Variants in KCNQ5 observed in about 807,000 individuals in gnomAD.
The protein encoded by KCNQ5 is potassium voltage-gated channel subfamily Q member 5.
Under a neutral mutation model 98.2 loss-of-function variants are expected in KCNQ5, and 30 were observed. That is an observed-to-expected ratio of 0.31 (90% CI 0.23 to 0.41). KCNQ5 has a LOEUF of 0.41. KCNQ5 is among the 10% of genes least tolerant of loss of function. KCNQ5 has a pLI of 1.00. For synonymous variants in KCNQ5, 458 were observed against 449.4 expected (o/e 1.02, Z -0.24); for missense variants, 835 against 1,182.5 (o/e 0.71, Z 4.31).
chr6:72,666,151 A>G (rs933803929), intron 1 of KCNQ5, among the ~76,000 whole-genome samples: 4 of 152,210 alleles, frequency 2.6e-5, no homozygotes, highest in African/African-American at 4.8e-5. Flanking sequence ...AAAAGATTTG[A>G]GGAGGTTATT....
intron 1 of KCNQ5, among the ~76,000 whole-genome samples, chr6:72,828,086 G>A (rs544207329): frequency 2.5e-4 from 38 of 152,114 alleles, no homozygotes; most frequent in Admixed American, 1.7e-3. Context: ...CCATTCTTCT[G>A]TGTGTCTGTT....
At chr6:72,645,670 C>A (rs1028103898) in intron 1 of KCNQ5, among the ~76,000 whole-genome samples, 1 of 151,990 alleles carries the variant, frequency 6.6e-6, no homozygotes, top group Non-Finnish European at 1.5e-5. Context: ...ACTGGCTTTG[C>A]GCTGGGCCCA....
At chr6:72,644,026 A>C (rs1169569689) in intron 1 of KCNQ5, among the ~76,000 whole-genome samples, 1 of 152,150 alleles carries the variant, frequency 6.6e-6, no homozygotes, top group Admixed American at 6.6e-5. Flanking sequence ...TGAAAAAAAA[A>C]CACACAAGGT....
At chr6:72,655,352 C>T (rs1766135212) in intron 1 of KCNQ5, among the ~76,000 whole-genome samples, 1 of 151,970 alleles carries the variant, frequency 6.6e-6, no homozygotes, top group South Asian at 2.1e-4. Flanking sequence ...ACCACAAGCT[C>T]ACAGTCTTCA....
At chr6:73,078,739 A>T (rs1773639345) in intron 5 of KCNQ5, among the ~76,000 whole-genome samples, 1 of 152,236 alleles carries the variant, frequency 6.6e-6, no homozygotes, top group Non-Finnish European at 1.5e-5. Flanking sequence ...GTTATCAACA[A>T]CTTACAGAGT....
chr6:72,763,722 G>A (rs1189800389), intron 1 of KCNQ5, among the ~76,000 whole-genome samples: 1 of 151,952 alleles, frequency 6.6e-6, no homozygotes, highest in Non-Finnish European at 1.5e-5. Context: ...TAAGGGTTTG[G>A]CAAGTAAGGA....
chr6:72,714,132 T>C (rs999653232), intron 1 of KCNQ5, among the ~76,000 whole-genome samples: 1 of 152,250 alleles, frequency 6.6e-6, no homozygotes, highest in Admixed American at 6.5e-5. Flanking sequence ...GTGGAGCAGA[T>C]TCTGAGCAAC....
chr6:72,941,239 T>C (rs901621111), intron 1 of KCNQ5, among the ~76,000 whole-genome samples: 1 of 152,168 alleles, frequency 6.6e-6, no homozygotes, highest in Non-Finnish European at 1.5e-5. Flanking sequence ...ATGCATAGGA[T>C]GGGTGTTGCC....
At chr6:72,978,170 T>C (rs562627952) in intron 1 of KCNQ5, among the ~76,000 whole-genome samples, 2 of 152,334 alleles carry the variant, frequency 1.3e-5, no homozygotes, top group African/African-American at 4.8e-5. Context: ...GTTGCACACA[T>C]TGAATATATA....
At chr6:72,835,008 AGTCG>A (rs1776439197) in intron 1 of KCNQ5, among the ~76,000 whole-genome samples, 1 of 152,176 alleles carries the variant, frequency 6.6e-6, no homozygotes, top group East Asian at 1.9e-4. Flanking sequence ...TGTTTTACTT[AGTCG>A]ACCTCCATTT....
intron 1 of KCNQ5, among the ~76,000 whole-genome samples, chr6:72,774,539 G>A (rs1029977362): frequency 6.6e-6 from 1 of 151,702 alleles, no homozygotes; most frequent in Non-Finnish European, 1.5e-5. Context: ...TTATGAAAAG[G>A]CAATCCACAC....
chr6:72,845,383 A>T (rs1582399937), intron 1 of KCNQ5, among the ~76,000 whole-genome samples: 1 of 152,214 alleles, frequency 6.6e-6, no homozygotes, highest in Non-Finnish European at 1.5e-5. Flanking sequence ...TCTTTTTAGA[A>T]CACCATCTCA....
intron 10 of KCNQ5, chr6:73,157,805 T>C: frequency 1.3e-6 from 1 of 779,382 alleles, no homozygotes; most frequent in Non-Finnish European, 2.4e-6. Context: ...ATTAGCTTGC[T>C]CTTGGCCATC....
chr6:72,763,488 T>C (rs546966769), intron 1 of KCNQ5, among the ~76,000 whole-genome samples: 41 of 152,246 alleles, frequency 2.7e-4, no homozygotes, highest in African/African-American at 8.4e-4. Flanking sequence ...CATAAGTGTA[T>C]AAAATGTCAA....
chr6:73,147,552 G>A (rs1032641867), intron 10 of KCNQ5, among the ~76,000 whole-genome samples: 5 of 152,068 alleles, frequency 3.3e-5, no homozygotes, highest in Non-Finnish European at 7.4e-5. Flanking sequence ...CTTTATTAAA[G>A]ATAAAGGCAG....
intron 1 of KCNQ5, among the ~76,000 whole-genome samples, chr6:72,823,792 G>A (rs969651146): frequency 3.9e-5 from 6 of 152,086 alleles, no homozygotes; most frequent in Non-Finnish European, 7.4e-5. Flanking sequence ...AAAAAATTCC[G>A]AATTATGCTT....
intron 1 of KCNQ5, among the ~76,000 whole-genome samples, chr6:72,904,316 G>GT (rs1779617893): frequency 6.6e-6 from 1 of 152,142 alleles, no homozygotes; most frequent in South Asian, 2.1e-4. Context: ...CTGCAGTTCT[G>GT]TATCTTTTAA....
chr6:72,764,580 C>T (rs1025066885), intron 1 of KCNQ5, among the ~76,000 whole-genome samples: 2 of 151,904 alleles, frequency 1.3e-5, no homozygotes, highest in South Asian at 2.1e-4. Context: ...GGACATCCAT[C>T]CCCTCAAGCA....
chr6:73,129,688 A>T, intron 9 of KCNQ5: 1 of 909,338 alleles, frequency 1.1e-6, no homozygotes, highest in Non-Finnish European at 1.7e-6. Flanking sequence ...CTTCTATATT[A>T]AAAACAATAA....
Sources: allele counts gnomAD v4.1 joint callset (sites outside exome capture counted in the v4.1 genomes callset), GRCh38; gene constraint gnomAD v4.1.1; transcripts MANE v1.5; gene names NCBI Gene and HGNC (gene_info 2026-07-23, HGNC 2026-07-21).